ANO3: variants seen among roughly 807,000 people sequenced by gnomAD.
The protein encoded by ANO3 is anoctamin 3.
In ANO3, 99 loss-of-function variants were observed where a neutral mutation model predicts 144.8. The ratio of observed to expected loss-of-function variants is 0.68; its 90% CI spans 0.58 to 0.81. ANO3 has a LOEUF of 0.81. Among genes scored for constraint, ANO3 ranks in the 30% least tolerant of loss-of-function variants. The pLI, the probability that ANO3 is intolerant of heterozygous loss-of-function variation, is 0.00. For missense variants in ANO3, 905 were observed against 1,202.2 expected, an observed-to-expected ratio of 0.75 and a Z score of 3.66; for synonymous variants, 414 against 392.6, an observed-to-expected ratio of 1.05 and a Z score of -0.64.
At chr11:26,213,655 A>G (rs753858774) in intron 1 of ANO3, among the ~76,000 whole-genome samples, 2 of 152,274 alleles carry the variant, frequency 1.3e-5, no homozygotes, top group East Asian at 1.9e-4. Context: ...AAGACATTCA[A>G]TGTTCATGGA....
intron 22 of ANO3, among the ~76,000 whole-genome samples, chr11:26,642,324 CTTT>C (rs1853183893): frequency 6.9e-6 from 1 of 145,148 alleles, no homozygotes; most frequent in Non-Finnish European, 1.5e-5. Flanking sequence ...GTTTCTTTTC[CTTT>C]TTCTTTCTTT....
At chr11:26,250,800 G>A (rs1324200848) in intron 1 of ANO3, among the ~76,000 whole-genome samples, 7 of 152,052 alleles carry the variant, frequency 4.6e-5, no homozygotes, top group South Asian at 4.1e-4. Flanking sequence ...ACTTAAGGTC[G>A]GGTTACATCC....
At chr11:26,255,353 G>A (rs1853032263) in intron 1 of ANO3, among the ~76,000 whole-genome samples, 1 of 152,104 alleles carries the variant, frequency 6.6e-6, no homozygotes, top group South Asian at 2.1e-4. Context: ...ACCATTTCTA[G>A]CACTGTTATT....
At chr11:26,420,730 A>G (rs56072744) in intron 1 of ANO3, among the ~76,000 whole-genome samples, 38,032 of 151,856 alleles carry the variant, frequency 0.25, 5,149 homozygotes, top group African/African-American at 0.34. Flanking sequence ...TGTTAGTTGT[A>G]GGAAGCTTCA....
intron 1 of ANO3, among the ~76,000 whole-genome samples, chr11:26,358,964 C>G (rs1477243527): frequency 6.6e-6 from 1 of 152,148 alleles, no homozygotes; most frequent in Non-Finnish European, 1.5e-5. Flanking sequence ...TTCTTCTTAA[C>G]TTCATGAACA....
intron 14 of ANO3, among the ~76,000 whole-genome samples, chr11:26,594,403 T>C (rs930298738): frequency 3.3e-5 from 5 of 152,224 alleles, no homozygotes; most frequent in African/African-American, 1.2e-4. Context: ...GTGCCTGATT[T>C]AGCAGTAACA....
At chr11:26,247,018 C>A (rs1852812631) in intron 1 of ANO3, among the ~76,000 whole-genome samples, 1 of 152,074 alleles carries the variant, frequency 6.6e-6, no homozygotes, top group Non-Finnish European at 1.5e-5. Flanking sequence ...ACTATATTAT[C>A]CACTTTTGTG....
chr11:26,276,653 A>G (rs1853566218), intron 1 of ANO3, among the ~76,000 whole-genome samples: 1 of 152,172 alleles, frequency 6.6e-6, no homozygotes, highest in South Asian at 2.1e-4. Context: ...TCTGTTAGGA[A>G]TACACTAGGT....
intron 4 of ANO3, among the ~76,000 whole-genome samples, chr11:26,470,134 C>T (rs201922722): frequency 3.9e-5 from 6 of 151,970 alleles, no homozygotes; most frequent in South Asian, 2.1e-4. Context: ...TGTGGTAGCT[C>T]ATGCCTATAA....
intron 1 of ANO3, among the ~76,000 whole-genome samples, chr11:26,298,641 C>T (rs1436579396): frequency 3.9e-5 from 6 of 152,172 alleles, no homozygotes; most frequent in Non-Finnish European, 7.3e-5. Flanking sequence ...TTTAATATCA[C>T]CTAGCTCATG....
intron 1 of ANO3, among the ~76,000 whole-genome samples, chr11:26,348,344 C>A (rs969349438): frequency 6.6e-6 from 1 of 152,076 alleles, no homozygotes; most frequent in East Asian, 1.9e-4. Flanking sequence ...TACATTAAAC[C>A]TCTAATACCA....
intron 1 of ANO3, among the ~76,000 whole-genome samples, chr11:26,289,219 C>T (rs908437390): frequency 6.6e-6 from 1 of 151,826 alleles, no homozygotes; most frequent in African/African-American, 2.4e-5. Context: ...AACAGATAAA[C>T]CTTGAAATCA....
At chr11:26,587,046 CTT>C (rs1181896252) in intron 14 of ANO3, among the ~76,000 whole-genome samples, 3 of 152,188 alleles carry the variant, frequency 2.0e-5, no homozygotes, top group Non-Finnish European at 4.4e-5. Context: ...TTCTCATCCT[CTT>C]TTCCTCTGCT....
intron 1 of ANO3, among the ~76,000 whole-genome samples, chr11:26,422,350 T>C (rs1170551180): frequency 1.3e-5 from 2 of 152,056 alleles, no homozygotes. Flanking sequence ...AAATGATATC[T>C]GAATAGCAGC....
intron 1 of ANO3, among the ~76,000 whole-genome samples, chr11:26,209,435 A>G (rs537407886): frequency 6.6e-6 from 1 of 152,306 alleles, no homozygotes; most frequent in East Asian, 1.9e-4. Context: ...GCTATTGTGA[A>G]CAGTGCTGCA....
At chr11:26,481,238 TG>T (rs1172860673) in intron 4 of ANO3, among the ~76,000 whole-genome samples, 1 of 152,056 alleles carries the variant, frequency 6.6e-6, no homozygotes, top group Non-Finnish European at 1.5e-5. Flanking sequence ...CGATTTTATG[TG>T]AAACGGGAAG....
intron 1 of ANO3, among the ~76,000 whole-genome samples, chr11:26,309,895 CAT>C (rs1854469080): frequency 6.6e-6 from 1 of 152,134 alleles, no homozygotes; most frequent in African/African-American, 2.4e-5. Context: ...AGCATATTCA[CAT>C]ATGTAATTTA....
intron 1 of ANO3, among the ~76,000 whole-genome samples, chr11:26,212,447 G>C (rs370230220): frequency 6.6e-6 from 1 of 151,222 alleles, no homozygotes; most frequent in Non-Finnish European, 1.5e-5. Flanking sequence ...AATGATAAAG[G>C]GGATATCACC....
At chr11:26,388,681 A>G (rs1454648239) in intron 1 of ANO3, among the ~76,000 whole-genome samples, 2 of 152,190 alleles carry the variant, frequency 1.3e-5, no homozygotes, top group Admixed American at 6.6e-5. Context: ...ATTAAACCTT[A>G]GAAGTGATCC....
Sources: gnomAD v4.1 joint callset for allele counts (sites outside exome capture counted in the v4.1 genomes callset) on GRCh38, gnomAD v4.1.1 for gene constraint, MANE v1.5 for transcripts, NCBI Gene and HGNC (gene_info 2026-07-23, HGNC 2026-07-21) for gene names.